PHF24: variants seen among roughly 807,000 people sequenced by gnomAD.
The protein encoded by PHF24 is PHD finger protein 24, also known as Galpha inhibitory interacting protein.
PHF24 carries 25 observed loss-of-function variants against 42.6 expected under a neutral mutation model. The observed-to-expected ratio is 0.59, with a 90% CI of 0.43 to 0.82. The LOEUF (loss-of-function observed/expected upper bound fraction) is 0.82, where lower values mean the gene tolerates loss of function less well. PHF24 is among the 40% of genes least tolerant of loss of function. The probability of loss-of-function intolerance (pLI) is 0.00; values close to 1 mark genes in which losing one functional copy is unlikely to be tolerated. For missense variants in PHF24, 470 were observed against 538.1 expected (o/e 0.87, Z 1.25); for synonymous variants, 185 against 204.8 (o/e 0.90, Z 0.83).
rs143107583 is a variant in PHF24 at position 34,964,717 on chromosome 9, G to C, written c.-5+6316G>C. On this transcript the variant is annotated intron_variant, in intron 1 of 7. Coordinates refer to ENST00000242315, the Ensembl canonical transcript of PHF24. Reference sequence around the variant, plus strand: ...GCTGCCCACAAATGTCTTACTGCCTGACAAACACATCTAGACATGCTTCTC... The same window carrying C: ...GCTGCCCACAAATGTCTTACTGCCTCACAAACACATCTAGACATGCTTCTC... 4.3e-3 allele frequency among the ~76,000 whole-genome samples: 661 copies of C among 152,276 alleles called. 5 individuals are homozygous for C. Among genetic ancestry groups the C allele is most frequent in the African/African-American group, 0.015 (606 of 41,542 alleles).
chr9:34,928,133 T>C, the PHF24 span, among the ~76,000 whole-genome samples: 9 of 151,130 alleles, frequency 6.0e-5, no homozygotes, highest in African/African-American at 2.0e-4. Context: ...GGAGAGTCGC[T>C]TGAACCCAGG....
At chr9:34,788,875 C>G in the PHF24 span, among the ~76,000 whole-genome samples, 8 of 152,170 alleles carry the variant, frequency 5.3e-5, no homozygotes, top group Non-Finnish European at 1.2e-4. Flanking sequence ...TAATCGCTCA[C>G]TCTGCAGTTA....
chr9:34,803,619 A>G, the PHF24 span, among the ~76,000 whole-genome samples: 1 of 152,210 alleles, frequency 6.6e-6, no homozygotes, highest in South Asian at 2.1e-4. Context: ...GAGCAGGGCT[A>G]ACAACCTCAT....
At chr9:34,909,624 C>CT in the PHF24 span, among the ~76,000 whole-genome samples, 541 of 144,198 alleles carry the variant, frequency 3.8e-3, 3 homozygotes, top group East Asian at 0.013. Context: ...AGAAGAAATC[C>CT]TTTTTTTTTT....
At chr9:34,941,640 C>T in the PHF24 span, among the ~76,000 whole-genome samples, 1 of 152,154 alleles carries the variant, frequency 6.6e-6, no homozygotes, top group East Asian at 1.9e-4. Context: ...GCTGGGAAGA[C>T]CAAGATCAAG....
chr9:34,887,367 A>G, the PHF24 span, among the ~76,000 whole-genome samples: 100,312 of 152,024 alleles, frequency 0.66, 35,141 homozygotes, highest in Non-Finnish European at 0.78. Flanking sequence ...TAGCTCCCCA[A>G]TTTACTCAAA....
At chr9:34,700,650 C>T in the PHF24 span, among the ~76,000 whole-genome samples, 2,633 of 152,098 alleles carry the variant, frequency 0.017, 82 homozygotes, top group African/African-American at 0.059. Flanking sequence ...GTCTGGAGTT[C>T]AGGGAAGAGA....
the PHF24 span, among the ~76,000 whole-genome samples, chr9:34,866,116 T>C: frequency 0.033 from 5,026 of 152,322 alleles, 282 homozygotes; most frequent in African/African-American, 0.11. Flanking sequence ...TATCTAGTTC[T>C]CTGGGTCAGA....
At chr9:34,962,866 A>C (rs1281125610) in intron 1 of PHF24, among the ~76,000 whole-genome samples, 1 of 152,222 alleles carries the variant, frequency 6.6e-6, no homozygotes, top group Non-Finnish European at 1.5e-5. Flanking sequence ...CTATATTAGA[A>C]CTTTGTGAGC....
chr9:34,889,014 CTCTG>C, the PHF24 span: 10 of 398,206 alleles, frequency 2.5e-5, no homozygotes, highest in East Asian at 2.5e-4. Context: ...CCTTTACTCT[CTCTG>C]TCTATCATAT....
At chr9:34,851,434 C>G in the PHF24 span, among the ~76,000 whole-genome samples, 22 of 152,136 alleles carry the variant, frequency 1.4e-4, no homozygotes, top group Non-Finnish European at 2.8e-4. Context: ...CCTGGTGCGC[C>G]GTTTTTTAAG....
At chr9:34,827,224 C>T in the PHF24 span, among the ~76,000 whole-genome samples, 1 of 152,196 alleles carries the variant, frequency 6.6e-6, no homozygotes, top group Non-Finnish European at 1.5e-5. Context: ...CAATTCCCTT[C>T]ATTCTGGGCT....
the PHF24 span, chr9:34,724,269 A>T: frequency 6.4e-7 from 1 of 1,551,440 alleles, no homozygotes; most frequent in South Asian, 1.2e-5. Context: ...TTGGAGACCG[A>T]GTGGGCAGAA....
chr9:34,977,961 G>C (rs1408633794), intron 7 of PHF24, 54 bp from the exon 8 acceptor site: 4 of 1,373,292 alleles, frequency 2.9e-6, no homozygotes, highest in Non-Finnish European at 4.2e-6. Flanking sequence ...CTGGGATCAG[G>C]GCTCACGTGT....
At chr9:34,866,570 A>AT in the PHF24 span, among the ~76,000 whole-genome samples, 2 of 152,218 alleles carry the variant, frequency 1.3e-5, no homozygotes, top group African/African-American at 4.8e-5. Flanking sequence ...TGCAGAATGC[A>AT]TAGCATTGAC....
the PHF24 span, among the ~76,000 whole-genome samples, chr9:34,911,441 GGC>G: frequency 1.3e-5 from 2 of 151,998 alleles, no homozygotes; most frequent in South Asian, 2.1e-4. Flanking sequence ...TTTTAGTAGA[GGC>G]AGGGTTTCAC....
At chr9:34,936,322 C>A in the PHF24 span, among the ~76,000 whole-genome samples, 3 of 152,210 alleles carry the variant, frequency 2.0e-5, no homozygotes, top group Non-Finnish European at 4.4e-5. Context: ...CCGCCAGCCT[C>A]GGCCTCCGGA....
chr9:34,780,298 C>CTTTTTTTTTTTTTTTTTT, the PHF24 span, among the ~76,000 whole-genome samples: 42 of 63,900 alleles, frequency 6.6e-4, no homozygotes, highest in East Asian at 3.2e-3. Context: ...TTCTTTTTTT[C>CTTTTTTTTTTTTTTTTTT]TTTTTTTTTT....
At chr9:34,673,440 T>A in the PHF24 span, among the ~76,000 whole-genome samples, 1 of 152,190 alleles carries the variant, frequency 6.6e-6, no homozygotes, top group Middle Eastern at 3.4e-3. Context: ...GCAGATAATC[T>A]TCTCCTTAAT....
Sources: allele counts gnomAD v4.1 joint callset (sites outside exome capture counted in the v4.1 genomes callset), GRCh38; gene constraint gnomAD v4.1.1; transcripts MANE v1.5; gene names NCBI Gene and HGNC (gene_info 2026-07-23, HGNC 2026-07-21).